Variants in PACS1 observed in about 807,000 individuals in gnomAD.
PACS1 encodes phosphofurin acidic cluster sorting protein 1, also known as PACS-1.
PACS1 carries 24 observed loss-of-function variants against 115.0 expected under a neutral mutation model. That is an observed-to-expected ratio of 0.21 (90% CI 0.15 to 0.29). PACS1 has a LOEUF of 0.29. Among genes scored for constraint, PACS1 ranks in the 10% least tolerant of loss-of-function variants. The pLI, the probability that PACS1 is intolerant of heterozygous loss-of-function variation, is 1.00. For synonymous variants in PACS1, 453 were observed against 504.5 expected (o/e 0.90, Z 1.37); for missense variants, 838 against 1,251.2 (o/e 0.67, Z 4.98).
At position 66,210,362 on chromosome 11, in the gene PACS1, G is replaced by A. The variant is rs1476690956; in HGVS notation, c.445G>A (p.Gly149Ser). 1.2e-6 allele frequency: 2 copies of A among 1,612,772 alleles called. No individual in the cohort carries two copies. Among genetic ancestry groups the A allele is most frequent in the African/African-American group, 1.3e-5 (1 of 74,876 alleles). The change falls in exon 3 of 24, where the codon GGT (glycine) becomes AGT (serine). Residue 149 changes from glycine (G) to serine (S), a missense_variant and splice_region_variant. By Grantham distance (56) the Gly-to-Ser change is moderately conservative (BLOSUM62 0). Coordinates refer to ENST00000320580, the MANE Select transcript of PACS1 (RefSeq NM_018026.4). Reference protein sequence around the residue: ...NSVVIAVKLQGSKRILRSNEI... With the variant: ...NSVVIAVKLQSSKRILRSNEI... The stretch of plus-strand genomic sequence containing the variant: ...AACAGACTTTTCTTCTTGGTTTCAG[G>A]GTTCAAAAAGAATTCTTCGCTCCAA...
chr11:66,238,998 G>A (rs1397245379), intron 20 of PACS1, 144 bp from the exon 21 acceptor site: 17 of 1,381,526 alleles, frequency 1.2e-5, no homozygotes, highest in African/African-American at 2.9e-5. Flanking sequence ...CCCCTGCTGC[G>A]GTGGTGGCTG....
chr11:66,203,997 G>A (rs1290992578), intron 2 of PACS1, among the ~76,000 whole-genome samples: 1 of 152,280 alleles, frequency 6.6e-6, no homozygotes, highest in South Asian at 2.1e-4. Context: ...TCTGGGCAGA[G>A]ATTTCTTGTG....
chr11:66,201,192 C>A (rs1219705615), intron 2 of PACS1, among the ~76,000 whole-genome samples: 3 of 151,564 alleles, frequency 2.0e-5, no homozygotes, highest in Non-Finnish European at 4.4e-5. Context: ...GCACTCCAAC[C>A]TGGGTGACAG....
At chr11:66,200,466 A>C (rs1854761187) in intron 2 of PACS1, among the ~76,000 whole-genome samples, 1 of 151,686 alleles carries the variant, frequency 6.6e-6, no homozygotes, top group African/African-American at 2.4e-5. Flanking sequence ...ACTCTATGCA[A>C]ATGGAAACAA....
intron 1 of PACS1, among the ~76,000 whole-genome samples, chr11:66,111,733 T>C (rs1019446964): frequency 6.6e-6 from 1 of 152,180 alleles, no homozygotes; most frequent in African/African-American, 2.4e-5. Context: ...CACTGCAACC[T>C]CCACCTCCCG....
rs185934359 is a variant in PACS1, at chr11:66,151,654, C to T, written c.357-41832C>T. 3.9e-5 allele frequency among the ~76,000 whole-genome samples: 6 copies of T among 152,322 alleles called. No individual in the cohort carries two copies. In the East Asian group the frequency reaches 1.2e-3, roughly 29 times the overall value. On this transcript the variant is annotated intron_variant, in intron 1 of 23. Transcript: ENST00000320580. ...AAGAACACAGTAGAATCCAGAGTTG[C>T]TATAACATCTTATCTACAATGCCAA...
chr11:66,193,492 C>G lies in PACS1; in HGVS notation c.363C>G (p.Phe121Leu). Residue 121 changes from phenylalanine (F) to leucine (L), a missense_variant, in exon 2 of 24, where the codon TTC (phenylalanine) becomes TTG (leucine). Physicochemically the swap from Phe to Leu is conservative, Grantham distance 22 (BLOSUM62 0). This residue lies in a region of PACS1 where 223 missense variants were observed against 354.0 expected (regional missense o/e 0.63). Coordinates refer to ENST00000320580, the MANE Select transcript of PACS1 (RefSeq NM_018026.4). The part of the protein sequence containing the change: ...RSSSSCVPRL[F>L]SLTLKKLVML... ...TCCTTCTCTGTTTTTCTAGGCTATT[C>G]AGCTTGACCCTGAAGAAACTCGTCA... 6.2e-7 allele frequency: 1 copy of G among 1,610,028 alleles called. No individual in the cohort carries two copies. The highest frequency in any genetic ancestry group is 1.1e-5 in the South Asian group (1 of 90,958).
At chr11:66,234,058 G>A (rs1855656679) in intron 16 of PACS1, 74 bp from the exon 17 acceptor site, 115 of 1,525,278 alleles carry the variant, frequency 7.5e-5, no homozygotes, top group Non-Finnish European at 1.0e-4. Flanking sequence ...GACCAAGGCC[G>A]TGGCCAGGGA....
intron 1 of PACS1, among the ~76,000 whole-genome samples, chr11:66,167,333 C>CT (rs762768413): frequency 0.4 from 40,903 of 101,104 alleles, 10,378 homozygotes; most frequent in Non-Finnish European, 0.48. Flanking sequence ...TTTGGCTTGT[C>CT]TTTTTTTTTT....
At chr11:66,097,079 G>A (rs528888090) in intron 1 of PACS1, among the ~76,000 whole-genome samples, 47 of 152,120 alleles carry the variant, frequency 3.1e-4, no homozygotes, top group African/African-American at 1.1e-3. Flanking sequence ...AACTTTGTAA[G>A]AAACTGCCAA....
At chr11:66,103,624 C>T (rs1857970118) in intron 1 of PACS1, among the ~76,000 whole-genome samples, 2 of 150,096 alleles carry the variant, frequency 1.3e-5, no homozygotes, top group Non-Finnish European at 2.9e-5. Context: ...GTTTCTCTTA[C>T]CTCAGCCTCC....
intron 10 of PACS1, 143 bp from the exon 11 acceptor site, chr11:66,227,361 G>A (rs977355058): frequency 1.2e-5 from 7 of 576,336 alleles, no homozygotes; most frequent in East Asian, 6.3e-5. Context: ...CCGCCTCCCC[G>A]GCCCACATAA....
At chr11:66,216,398 T>C in intron 5 of PACS1, 122 bp from the exon 6 acceptor site, 2 of 1,407,834 alleles carry the variant, frequency 1.4e-6, no homozygotes, top group Non-Finnish European at 2.0e-6. Flanking sequence ...GCTTCGGCCC[T>C]GGCCCTCCCC....
chr11:66,125,775 C>T (rs1858556690), intron 1 of PACS1, among the ~76,000 whole-genome samples: 1 of 152,204 alleles, frequency 6.6e-6, no homozygotes, highest in Non-Finnish European at 1.5e-5. Flanking sequence ...CATGGTGGCT[C>T]ATGCCTGTAA....
intron 1 of PACS1, among the ~76,000 whole-genome samples, chr11:66,093,494 A>G (rs1314285446): frequency 4.8e-5 from 7 of 144,550 alleles, no homozygotes; most frequent in Non-Finnish European, 1.5e-5. Context: ...AAGAAGAGCT[A>G]ACTATCCTAA....
At chr11:66,103,724 G>A (rs1857972209) in intron 1 of PACS1, among the ~76,000 whole-genome samples, 1 of 151,936 alleles carries the variant, frequency 6.6e-6, no homozygotes, top group African/African-American at 2.4e-5. Context: ...ATGTTGGCCA[G>A]GCTGGTCTCA....
chr11:66,083,408 C>T lies in PACS1; in HGVS notation c.356+12566C>T, dbSNP rs551980470. 9.2e-5 allele frequency among the ~76,000 whole-genome samples: 14 copies of T among 152,174 alleles called. 1 individual carries two copies. The highest frequency in any genetic ancestry group is 4.6e-4 in the Admixed American group (7 of 15,286). On this transcript the variant is annotated intron_variant, in intron 1 of 23. Coordinates refer to ENST00000320580, the MANE Select transcript of PACS1 (RefSeq NM_018026.4). ...TTAAAAAAAGTATAAAAAGAATGGC[C>T]GTAATTATTAAACACTGGCCATTAA...
chr11:66,115,229 A>C (rs1463995722), intron 1 of PACS1, among the ~76,000 whole-genome samples: 1 of 151,324 alleles, frequency 6.6e-6, no homozygotes, highest in Admixed American at 6.6e-5. Flanking sequence ...AAAAAAAAAA[A>C]CTAGAACAGT....
intron 1 of PACS1, among the ~76,000 whole-genome samples, chr11:66,142,105 C>T (rs1254703462): frequency 3.3e-5 from 5 of 151,966 alleles, no homozygotes; most frequent in East Asian, 3.9e-4. Context: ...TCACCGCTCC[C>T]GGCCAGAGAT....
Sources: allele counts gnomAD v4.1 joint callset (sites outside exome capture counted in the v4.1 genomes callset), GRCh38; gene constraint gnomAD v4.1.1; regional missense constraint gnomAD v4.1.1; transcripts MANE v1.5; gene names NCBI Gene and HGNC (gene_info 2026-07-23, HGNC 2026-07-21).